The following FRAS1 variants were observed in gnomAD, a reference collection of about 807,000 sequenced individuals.
FRAS1 encodes extracellular matrix organizing protein FRAS1.
FRAS1 carries 290 observed loss-of-function variants against 435.2 expected under a neutral mutation model. The ratio of observed to expected loss-of-function variants is 0.67; its 90% CI spans 0.61 to 0.73. The LOEUF (loss-of-function observed/expected upper bound fraction) is 0.73, where lower values mean the gene tolerates loss of function less well. Ranked by LOEUF, FRAS1 falls within the 30% of genes least tolerant of loss-of-function variation. The probability of loss-of-function intolerance (pLI) is 0.00; values close to 1 mark genes in which losing one functional copy is unlikely to be tolerated. For missense variants in FRAS1, 4,860 were observed against 5,001.5 expected (o/e 0.97, Z 0.85); for synonymous variants, 1,800 against 1,851.0 (o/e 0.97, Z 0.71).
chr4:78,480,958 G>T (rs1285145560), intron 56 of FRAS1, among the ~76,000 whole-genome samples: 2 of 152,184 alleles, frequency 1.3e-5, no homozygotes, highest in Non-Finnish European at 2.9e-5. Context: ...ATATAAAAGA[G>T]CAAATGGAGG....
chr4:78,211,974 C>G (rs952393711), intron 2 of FRAS1, among the ~76,000 whole-genome samples: 1 of 152,086 alleles, frequency 6.6e-6, no homozygotes, highest in African/African-American at 2.4e-5. Context: ...TTTGGCTTAT[C>G]TCATTTGGTA....
intron 2 of FRAS1, among the ~76,000 whole-genome samples, chr4:78,115,836 C>T (rs894217268): frequency 1.3e-5 from 2 of 151,006 alleles, no homozygotes; most frequent in Admixed American, 6.6e-5. Flanking sequence ...TCCTTCAGTT[C>T]TTCTCTGATC....
At chr4:78,343,989 T>A (rs1730501212) in intron 20 of FRAS1, among the ~76,000 whole-genome samples, 1 of 152,102 alleles carries the variant, frequency 6.6e-6, no homozygotes, top group South Asian at 2.1e-4. Context: ...AACATGTAGC[T>A]GTTGTTGCCT....
chr4:78,305,834 T>G (rs1010458882), intron 14 of FRAS1, among the ~76,000 whole-genome samples: 38 of 151,944 alleles, frequency 2.5e-4, no homozygotes, highest in African/African-American at 9.1e-4. Context: ...AGTCTGTGTC[T>G]TTTAATTGGA....
At chr4:78,060,716 T>G (rs1276132706) in intron 1 of FRAS1, among the ~76,000 whole-genome samples, 1 of 152,250 alleles carries the variant, frequency 6.6e-6, no homozygotes, top group Non-Finnish European at 1.5e-5. Context: ...TTCTGTCATT[T>G]ACTAAATGAG....
chr4:78,387,787 T>A, intron 29 of FRAS1, 86 bp downstream of exon 29: 1 of 906,092 alleles, frequency 1.1e-6, no homozygotes, highest in Non-Finnish European at 1.6e-6. Context: ...CTCACAAAGT[T>A]AAGATATGGG....
chr4:78,407,852 C>G lies in FRAS1; in HGVS notation c.4308+11C>G, dbSNP rs1235907163. The stretch of plus-strand genomic sequence containing the variant: ...TCCTTCCGCTTCGAGGTACCCTCTG[C>G]TTCCTGACTTTTCTGAAGTCTGATG... On this transcript the variant is annotated intron_variant, in intron 31 of 73. Coordinates refer to ENST00000512123, the MANE Select transcript of FRAS1 (RefSeq NM_025074.7). The G allele has an allele frequency of 6.3e-7, 1 of 1,577,548 alleles. No homozygotes were observed. Among genetic ancestry groups the G allele is most frequent in the Non-Finnish European group, 8.6e-7 (1 of 1,160,650 alleles).
chr4:78,314,896 A>G (rs190857784), intron 15 of FRAS1, among the ~76,000 whole-genome samples: 1 of 152,122 alleles, frequency 6.6e-6, no homozygotes, highest in African/African-American at 2.4e-5. Flanking sequence ...CATTGTGCCT[A>G]TATAGATTGA....
chr4:78,136,270 G>A lies in FRAS1; in HGVS notation c.108+70254G>A, dbSNP rs181692362. 1.3e-4 allele frequency among the ~76,000 whole-genome samples: 20 copies of A among 152,290 alleles called. No individual in the cohort carries two copies. The East Asian group carries it at 3.1e-3, about 24-fold the overall frequency. ...AAAAGGACACTTGTCTACAGTATGGGAGCTGAAACAGGAGAACAGAGTGTT... is the reference window on the plus strand; with the variant it reads ...AAAAGGACACTTGTCTACAGTATGGAAGCTGAAACAGGAGAACAGAGTGTT... On this transcript the variant is annotated intron_variant, in intron 2 of 73. Transcript: ENST00000512123.
chr4:78,199,880 T>C (rs1320852049), intron 2 of FRAS1, among the ~76,000 whole-genome samples: 1 of 152,226 alleles, frequency 6.6e-6, no homozygotes. Context: ...CAGTACTCAG[T>C]AAAGTTAGCC....
At position 78,140,713 on chromosome 4, in the gene FRAS1, G is replaced by GTGTATATGTATATGCATATACATA. The variant is rs1560546125; in HGVS notation, c.108+74700_108+74701insATATGTATATGCATATACATATGT. Reference sequence around the variant, plus strand: ...TACATATGTGTATATGCATATACGTGTGTGTATATGTATATACGTGTGTGT... The same window carrying GTGTATATGTATATGCATATACATA: ...TACATATGTGTATATGCATATACGTGTGTATATGTATATGCATATACATATGTGTATATGTATATACGTGTGTGT... On this transcript the variant is annotated intron_variant, in intron 2 of 73. Transcript: ENST00000512123. Among the ~76,000 whole-genome samples, 339 of 80,192 alleles carry GTGTATATGTATATGCATATACATA rather than the reference G, an allele frequency of 4.2e-3. 23 individuals carry two copies. The highest frequency in any genetic ancestry group is 0.025 in the African/African-American group (328 of 12,898). The allele number at this position is 80,192 out of a possible 152,430, so 52.6% of individuals were successfully genotyped here. A position where few individuals can be genotyped will look rare whatever the true frequency, so the allele number is the denominator to read the frequency against.
intron 61 of FRAS1, among the ~76,000 whole-genome samples, chr4:78,500,189 G>A (rs1324554599): frequency 6.6e-6 from 1 of 152,072 alleles, no homozygotes; most frequent in Non-Finnish European, 1.5e-5. Context: ...AGATTTGGTT[G>A]AATGATAGGA....
At chr4:78,306,761 C>T (rs1398835670) in intron 14 of FRAS1, among the ~76,000 whole-genome samples, 1 of 151,954 alleles carries the variant, frequency 6.6e-6, no homozygotes, top group Non-Finnish European at 1.5e-5. Flanking sequence ...GTTATACATT[C>T]TTCTAAATTT....
In FRAS1 at chr4:78,472,318, A is replaced by G; in HGVS notation, c.7510A>G (p.Thr2504Ala). ...NKLQPGRAAA[T>A]FTQEDVNLGL... ...GCTGCAGCCTGGCAGAGCTGCTGCC[A>G]CTTTCACCCAGGGTGGGGACTCTCT... The change falls in exon 52 of 74, where the codon ACT becomes GCT. Residue 2504 changes from threonine to alanine, a missense_variant. By Grantham distance (58) the Thr-to-Ala change is moderately conservative. Transcript: ENST00000512123. The G allele has an allele frequency of 2.5e-6, 4 of 1,607,042 alleles. No homozygotes were observed. The highest frequency in any genetic ancestry group is 1.7e-4 in the Middle Eastern group (1 of 6,026).
intron 2 of FRAS1, among the ~76,000 whole-genome samples, chr4:78,235,201 G>A (rs768979066): frequency 3.9e-5 from 6 of 152,244 alleles, no homozygotes; most frequent in Non-Finnish European, 7.4e-5. Context: ...GATTGTTCAT[G>A]GTACTCTCCT....
At position 78,542,328 on chromosome 4, in the gene FRAS1, T is replaced by A. The variant is rs1189575096; in HGVS notation, c.*1204T>A. On this transcript the variant is annotated 3_prime_UTR_variant, in exon 74 of 74. Transcript: ENST00000512123. Reference sequence around the variant, plus strand: ...CCATGAACACATGGCTCTAAAATAATTTAGTGTTCAAGTATCAGCTTAACT... The same window carrying A: ...CCATGAACACATGGCTCTAAAATAAATTAGTGTTCAAGTATCAGCTTAACT... 1 of 152,224 alleles carries A rather than the reference T, an allele frequency of 6.6e-6. No individual in the cohort carries two copies. Among genetic ancestry groups the A allele is most frequent in the Non-Finnish European group, 1.5e-5 (1 of 68,030 alleles). 9.4% of individuals were successfully genotyped at this position (152,224 alleles called of 1,614,324 possible).
chr4:78,305,514 G>T (rs552661638), intron 14 of FRAS1, among the ~76,000 whole-genome samples: 119 of 147,562 alleles, frequency 8.1e-4, no homozygotes, highest in African/African-American at 2.8e-3. Flanking sequence ...TTTGTAGGTC[G>T]CTAAGGACTT....
At chr4:78,341,567 C>T (rs553192038) in intron 20 of FRAS1, among the ~76,000 whole-genome samples, 72 of 152,270 alleles carry the variant, frequency 4.7e-4, no homozygotes, top group African/African-American at 1.7e-3. Flanking sequence ...TAGGTTGGCT[C>T]ATCTCAGATT....
chr4:78,110,444 C>T lies in FRAS1; in HGVS notation c.108+44428C>T, dbSNP rs1486548669. ...CAGAACAGAGCCCTCAGAAATAATG[C>T]CGCATGTCTACAACTATCTGATCTT... On this transcript the variant is annotated intron_variant, in intron 2 of 73. Transcript: ENST00000512123. Among the ~76,000 whole-genome samples, 59 of 102,008 alleles carry T rather than the reference C, an allele frequency of 5.8e-4. 6 individuals are homozygous for T. The highest frequency in any genetic ancestry group is 2.3e-3 in the African/African-American group (55 of 23,468). 66.9% of individuals were successfully genotyped at this position (102,008 alleles called of 152,430 possible). A position where few individuals can be genotyped will look rare whatever the true frequency, so the allele number is the denominator to read the frequency against.
Sources: allele counts gnomAD v4.1 joint callset (sites outside exome capture counted in the v4.1 genomes callset), GRCh38; gene constraint gnomAD v4.1.1; transcripts MANE v1.5; gene names NCBI Gene and HGNC (gene_info 2026-07-23, HGNC 2026-07-21).